Variants in RNGTT observed in about 807,000 individuals in gnomAD.
RNGTT encodes the protein RNA guanylyltransferase and 5'-phosphatase.
A neutral mutation model predicts 79.3 loss-of-function variants in RNGTT; 33 were observed. The ratio of observed to expected loss-of-function variants is 0.42; its 90% CI spans 0.32 to 0.56. The LOEUF (loss-of-function observed/expected upper bound fraction) is 0.56. Ranked by LOEUF, RNGTT falls within the 20% of genes least tolerant of loss-of-function variation. The pLI, the probability that RNGTT is intolerant of heterozygous loss-of-function variation, is 0.17. For missense variants in RNGTT, 497 were observed against 739.1 expected, an observed-to-expected ratio of 0.67 and a Z score of 3.80; for synonymous variants, 222 against 235.9, an observed-to-expected ratio of 0.94 and a Z score of 0.54.
chr6:88,638,597 T>C (rs1773188974), intron 14 of RNGTT, among the ~76,000 whole-genome samples: 1 of 152,152 alleles, frequency 6.6e-6, no homozygotes, highest in Admixed American at 6.5e-5. Context: ...CTTTAAAGTT[T>C]AGACGAAAAC....
intron 11 of RNGTT, among the ~76,000 whole-genome samples, chr6:88,827,054 T>C (rs561042324): frequency 3.3e-5 from 5 of 151,816 alleles, no homozygotes; most frequent in South Asian, 4.2e-4. Flanking sequence ...GTGGCTCACA[T>C]TGTTGAGTTA....
intron 11 of RNGTT, among the ~76,000 whole-genome samples, chr6:88,822,914 C>T (rs1377773235): frequency 6.6e-6 from 1 of 152,110 alleles, no homozygotes; most frequent in Admixed American, 6.5e-5. Context: ...TCCTACTCCA[C>T]ATTACTAACA....
At chr6:88,941,325 T>A (rs938692412) in intron 1 of RNGTT, 145 bp from the exon 2 acceptor site, 11 of 575,488 alleles carry the variant, frequency 1.9e-5, no homozygotes, top group Non-Finnish European at 3.0e-5. Flanking sequence ...TAGAGTGCAG[T>A]GGTGCAATCT....
chr6:88,751,881 A>G (rs879363199), intron 13 of RNGTT, among the ~76,000 whole-genome samples: 19 of 152,100 alleles, frequency 1.2e-4, no homozygotes, highest in Non-Finnish European at 2.1e-4. Context: ...CTCCACCACT[A>G]TATGTATGTA....
intron 11 of RNGTT, among the ~76,000 whole-genome samples, chr6:88,838,261 A>C (rs1174355581): frequency 6.6e-6 from 1 of 152,150 alleles, no homozygotes; most frequent in African/African-American, 2.4e-5. Context: ...AATAGATTCT[A>C]GTCAGTGCAG....
At chr6:88,934,392 T>C (rs530352066) in intron 2 of RNGTT, among the ~76,000 whole-genome samples, 73 of 152,344 alleles carry the variant, frequency 4.8e-4, no homozygotes, top group Admixed American at 1.9e-3. Context: ...TGGATTTGCA[T>C]CTTCCTGATG....
Position 88,612,878 on chromosome 6 carries a change from C to T in RNGTT, c.1635G>A (p.Val545=), listed in dbSNP as rs759062694. The part of the protein sequence containing the change: ...FPNAYNTAMA[V]CNSISNPVTK... ...TGACAGGGTTTGAGATGCTGTTACA[C>T]ACAGCTGTGGACAAAGGGAGACAGG... Residue 545 remains valine, a synonymous_variant, in exon 16 of 16, where the codon GTG becomes GTA. Coordinates refer to ENST00000369485, the MANE Select transcript of RNGTT (RefSeq NM_003800.5). 7.4e-6 allele frequency: 12 copies of T among 1,613,440 alleles called. No individual in the cohort carries two copies. The highest frequency in any genetic ancestry group is 1.0e-5 in the Non-Finnish European group (12 of 1,179,680).
chr6:88,826,799 A>AAATAT (rs1554221302), intron 11 of RNGTT, among the ~76,000 whole-genome samples: 8 of 126,930 alleles, frequency 6.3e-5, no homozygotes, highest in African/African-American at 2.5e-4. Context: ...AAAAAAAAAA[A>AAATAT]ATATATATAT....
intron 13 of RNGTT, among the ~76,000 whole-genome samples, chr6:88,751,613 C>A (rs1213622932): frequency 1.3e-5 from 2 of 152,028 alleles, no homozygotes; most frequent in Non-Finnish European, 2.9e-5. Context: ...CATCTTTGAG[C>A]TGTAAATACT....
intron 13 of RNGTT, among the ~76,000 whole-genome samples, chr6:88,733,042 A>T (rs1478693435): frequency 6.6e-6 from 1 of 152,222 alleles, no homozygotes; most frequent in Non-Finnish European, 1.5e-5. Context: ...AAGAATGCCT[A>T]TGATAGGCTC....
chr6:88,735,818 T>G (rs537657379), intron 13 of RNGTT, among the ~76,000 whole-genome samples: 110 of 151,848 alleles, frequency 7.2e-4, no homozygotes, highest in Non-Finnish European at 1.4e-3. Flanking sequence ...AAAAAAGAAA[T>G]AATAAAAATT....
chr6:88,920,645 G>A (rs1183170877), intron 4 of RNGTT, among the ~76,000 whole-genome samples: 1 of 152,144 alleles, frequency 6.6e-6, no homozygotes, highest in African/African-American at 2.4e-5. Context: ...TTTGAGAGAA[G>A]CCATTATAGG....
intron 1 of RNGTT, among the ~76,000 whole-genome samples, chr6:88,949,475 G>A (rs1785171305): frequency 6.6e-6 from 1 of 151,958 alleles, no homozygotes; most frequent in Non-Finnish European, 1.5e-5. Context: ...TATTGGCCAG[G>A]CTGGTCTCGA....
chr6:88,804,165 G>T (rs2127865267), intron 11 of RNGTT, among the ~76,000 whole-genome samples: 1 of 152,220 alleles, frequency 6.6e-6, no homozygotes, highest in East Asian at 1.9e-4. Flanking sequence ...AGGAAACTGA[G>T]GTCATCAGAC....
At chr6:88,938,509 A>T (rs1015535527) in intron 2 of RNGTT, among the ~76,000 whole-genome samples, 1 of 152,200 alleles carries the variant, frequency 6.6e-6, no homozygotes, top group African/African-American at 2.4e-5. Context: ...TTTAAATGGA[A>T]AGTGTAATCC....
intron 12 of RNGTT, among the ~76,000 whole-genome samples, chr6:88,774,364 T>C (rs1254256361): frequency 6.6e-6 from 1 of 151,822 alleles, no homozygotes; most frequent in East Asian, 1.9e-4. Flanking sequence ...AACATGCACA[T>C]TGCTGATAGA....
intron 4 of RNGTT, among the ~76,000 whole-genome samples, chr6:88,909,150 G>C (rs952387791): frequency 1.3e-4 from 20 of 152,284 alleles, no homozygotes; most frequent in Admixed American, 8.5e-4. Context: ...AGCCAGCCAA[G>C]GTTTCTTCCC....
intron 4 of RNGTT, among the ~76,000 whole-genome samples, chr6:88,913,279 G>T (rs1045885737): frequency 6.8e-6 from 1 of 146,652 alleles, no homozygotes; most frequent in Non-Finnish European, 1.5e-5. Context: ...TTCTACCAGA[G>T]ATACAAAGAA....
intron 11 of RNGTT, among the ~76,000 whole-genome samples, chr6:88,821,214 A>G (rs1310723543): frequency 6.6e-6 from 1 of 152,144 alleles, no homozygotes; most frequent in Non-Finnish European, 1.5e-5. Flanking sequence ...AGTCTTTTCA[A>G]CAAGTGGTGA....
Sources: allele counts gnomAD v4.1 joint callset (sites outside exome capture counted in the v4.1 genomes callset), GRCh38; gene constraint gnomAD v4.1.1; transcripts MANE v1.5; gene names NCBI Gene and HGNC (gene_info 2026-07-23, HGNC 2026-07-21).